KIF5C: variants seen among roughly 807,000 people sequenced by gnomAD.
KIF5C encodes the protein kinesin heavy chain isoform 5C.
In KIF5C, 18 loss-of-function variants were observed where a neutral mutation model predicts 125.2. The observed-to-expected ratio is 0.14, with a 90% CI of 0.10 to 0.21. KIF5C has a LOEUF of 0.21. KIF5C is among the 10% of genes least tolerant of loss of function. The probability of loss-of-function intolerance (pLI) is 1.00; values close to 1 mark genes in which losing one functional copy is unlikely to be tolerated. For synonymous variants in KIF5C, 405 were observed against 434.0 expected (o/e 0.93, Z 0.83); for missense variants, 780 against 1,183.8 (o/e 0.66, Z 5.01).
intron 25 of KIF5C, among the ~76,000 whole-genome samples, chr2:149,016,990 G>C (rs1682381592): frequency 6.6e-6 from 1 of 152,146 alleles, no homozygotes; most frequent in Non-Finnish European, 1.5e-5. Context: ...AAGGAAGGTG[G>C]TCAGCTCAGA....
chr2:148,969,573 A>G (rs1160650533), intron 11 of KIF5C, among the ~76,000 whole-genome samples: 1 of 152,080 alleles, frequency 6.6e-6, no homozygotes, highest in Non-Finnish European at 1.5e-5. Context: ...TTTTAATGCA[A>G]AGAGGGAGAC....
At chr2:148,993,551 C>T (rs1472697037) in intron 16 of KIF5C, among the ~76,000 whole-genome samples, 2 of 152,198 alleles carry the variant, frequency 1.3e-5, no homozygotes, top group South Asian at 2.1e-4. Context: ...TTACATTCAT[C>T]CTCGTCACCA....
chr2:149,017,699 T>C (rs1292938172), intron 25 of KIF5C, among the ~76,000 whole-genome samples: 1 of 152,200 alleles, frequency 6.6e-6, no homozygotes, highest in Non-Finnish European at 1.5e-5. Flanking sequence ...GAGTAGTAAA[T>C]AGAGTATTTT....
In KIF5C at chr2:148,998,428, A is replaced by C; in HGVS notation, c.2129A>C (p.His710Pro). Residue 710 changes from histidine (H) to proline (P), a missense_variant, in exon 19 of 26, where the codon CAC (histidine) becomes CCC (proline). His to Pro is a moderately conservative substitution (Grantham distance 77). Around this residue, in one of 2 missense-constraint regions of KIF5C, gnomAD observed 573 missense variants for 742.6 expected, o/e 0.77. Coordinates refer to ENST00000435030, the MANE Select transcript of KIF5C (RefSeq NM_004522.3). ...KKALEQQMES[H>P]REAHQKQLSR... ...GCGCTGGAGCAGCAGATGGAGAGCC[A>C]CCGGGAAGCTCACCAGAAGCAGCTG... The C allele has an allele frequency of 6.4e-7, 1 of 1,566,376 alleles. No homozygotes were observed. The highest frequency in any genetic ancestry group is 8.7e-7 in the Non-Finnish European group (1 of 1,155,388).
chr2:148,996,673 C>T (rs115328535), intron 17 of KIF5C, among the ~76,000 whole-genome samples: 35 of 152,370 alleles, frequency 2.3e-4, no homozygotes, highest in African/African-American at 8.2e-4. Flanking sequence ...TGCCACACTG[C>T]AGCCCTGCCC....
At chr2:148,955,012 A>G (rs1283839370) in intron 10 of KIF5C, among the ~76,000 whole-genome samples, 1 of 152,208 alleles carries the variant, frequency 6.6e-6, no homozygotes, top group African/African-American at 2.4e-5. Context: ...CTAGATGCCA[A>G]GTCCTTATCC....
chr2:148,947,038 A>G lies in KIF5C; in HGVS notation c.714+15A>G. On this transcript the variant is annotated intron_variant, in intron 8 of 25. Transcript: ENST00000435030. ...GGAGCGAAAAGGTAATTTGTTCTTT[A>G]TTTGTATTATCTATAATTTTCCCCT... 1 of 1,602,506 alleles carries G rather than the reference A, an allele frequency of 6.2e-7. No homozygotes were observed. Among genetic ancestry groups the G allele is most frequent in the Non-Finnish European group, 8.5e-7 (1 of 1,175,794 alleles).
chr2:148,902,179 C>G (rs553915700), intron 1 of KIF5C, among the ~76,000 whole-genome samples: 1 of 152,292 alleles, frequency 6.6e-6, no homozygotes, highest in South Asian at 2.1e-4. Context: ...CAACCAGCAC[C>G]TTTTGTGGTC....
intron 1 of KIF5C, among the ~76,000 whole-genome samples, chr2:148,906,177 G>A (rs73966637): frequency 0.16 from 23,988 of 152,086 alleles, 3,165 homozygotes; most frequent in African/African-American, 0.36. Flanking sequence ...GGGAAGCTGC[G>A]TCTTCTCTTG....
intron 23 of KIF5C, 115 bp from the exon 24 acceptor site, chr2:149,010,020 A>G (rs1682136237): frequency 2.1e-6 from 3 of 1,433,074 alleles, no homozygotes; most frequent in South Asian, 1.5e-5. Flanking sequence ...ACGGAGTGCC[A>G]AGGACAACCT....
intron 10 of KIF5C, among the ~76,000 whole-genome samples, chr2:148,954,347 A>G (rs1394470608): frequency 2.0e-5 from 3 of 152,204 alleles, no homozygotes; most frequent in Non-Finnish European, 4.4e-5. Flanking sequence ...AAATTAGAGC[A>G]CTTTTATTGA....
At chr2:148,958,134 G>A (rs1332453632) in intron 10 of KIF5C, among the ~76,000 whole-genome samples, 1 of 152,008 alleles carries the variant, frequency 6.6e-6, no homozygotes, top group Non-Finnish European at 1.5e-5. Flanking sequence ...TTCATGTTGG[G>A]GTGATTATAA....
At chr2:148,901,947 G>T (rs1260497200) in intron 1 of KIF5C, among the ~76,000 whole-genome samples, 1 of 152,196 alleles carries the variant, frequency 6.6e-6, no homozygotes, top group Non-Finnish European at 1.5e-5. Flanking sequence ...ACAAATGTAA[G>T]GAAGGTATAG....
At chr2:148,986,849 C>T (rs1015574943) in intron 15 of KIF5C, among the ~76,000 whole-genome samples, 1 of 152,102 alleles carries the variant, frequency 6.6e-6, no homozygotes, top group African/African-American at 2.4e-5. Context: ...GAAACATTTC[C>T]AGAGTCCAGT....
rs184265259 is a variant in KIF5C, at chr2:149,004,633, C to T, written c.2374-760C>T. ...AACAATAAAAGGAAGCAATACAATC[C>T]TAATGAAAAAATGGCTTTTATGTTA... On this transcript the variant is annotated intron_variant, in intron 21 of 25. Coordinates refer to ENST00000435030, the MANE Select transcript of KIF5C (RefSeq NM_004522.3). Among the ~76,000 whole-genome samples, 164 of 152,184 alleles carry T rather than the reference C, an allele frequency of 1.1e-3. 2 individuals are homozygous for T. Among genetic ancestry groups the T allele is most frequent in the African/African-American group, 3.6e-3 (148 of 41,510 alleles).
intron 15 of KIF5C, 51 bp downstream of exon 15, chr2:148,983,817 G>A: frequency 6.6e-7 from 1 of 1,515,264 alleles, no homozygotes; most frequent in Non-Finnish European, 8.9e-7. Context: ...CAAGTTAGTA[G>A]GGTCTGTGCT....
chr2:149,005,315 G>A (rs138135891), intron 21 of KIF5C, 78 bp from the exon 22 acceptor site: 4 of 1,564,336 alleles, frequency 2.6e-6, no homozygotes, highest in Middle Eastern at 1.7e-4. Flanking sequence ...GGAAGTGTCG[G>A]GGGAATGATC....
chr2:148,989,933 GA>G (rs1369617950), intron 15 of KIF5C, among the ~76,000 whole-genome samples: 1 of 152,152 alleles, frequency 6.6e-6, no homozygotes, highest in African/African-American at 2.4e-5. Context: ...TATGATGAGT[GA>G]ATGACATCAA....
chr2:148,965,893 C>CA (rs966583084), intron 11 of KIF5C, among the ~76,000 whole-genome samples: 28 of 152,018 alleles, frequency 1.8e-4, no homozygotes, highest in African/African-American at 6.5e-4. Context: ...AATATCACGC[C>CA]AAAAAAAGGG....
Sources: gnomAD v4.1 joint callset for allele counts (sites outside exome capture counted in the v4.1 genomes callset) on GRCh38, gnomAD v4.1.1 for gene constraint, gnomAD v4.1.1 regional missense constraint, MANE v1.5 for transcripts, NCBI Gene and HGNC (gene_info 2026-07-23, HGNC 2026-07-21) for gene names.